The following AKAP7 variants were observed in gnomAD, a reference collection of about 807,000 sequenced individuals.
AKAP7 encodes A kinase (PRKA) anchor protein 7.
Under a neutral mutation model 39.5 loss-of-function variants are expected in AKAP7, and 39 were observed. That is an observed-to-expected ratio of 0.99 (90% CI 0.76 to 1.29). The LOEUF is 1.29. Ranked by LOEUF, AKAP7 falls within the 50% of genes most tolerant of loss-of-function variation. The probability of loss-of-function intolerance (pLI) is 0.00; values close to 1 mark genes in which losing one functional copy is unlikely to be tolerated. For synonymous variants in AKAP7, 140 were observed against 139.1 expected, an observed-to-expected ratio of 1.01 and a Z score of -0.05; for missense variants, 414 against 407.7, an observed-to-expected ratio of 1.02 and a Z score of -0.13.
upstream of AKAP7, among the ~76,000 whole-genome samples, chr6:131,130,908 C>T (rs1800312418): frequency 1.3e-5 from 2 of 151,796 alleles, no homozygotes; most frequent in East Asian, 1.9e-4. Context: ...GTTATACTTG[C>T]AGTTGGCTTT....
At chr6:131,177,511 T>C (rs1333255969) in intron 5 of AKAP7, among the ~76,000 whole-genome samples, 2 of 152,158 alleles carry the variant, frequency 1.3e-5, no homozygotes, top group Non-Finnish European at 2.9e-5. Context: ...AGTGAGAACA[T>C]ACTCCTGATG....
chr6:131,240,488 A>G (rs1036495864), intron 7 of AKAP7, among the ~76,000 whole-genome samples: 1 of 152,188 alleles, frequency 6.6e-6, no homozygotes, highest in African/African-American at 2.4e-5. Context: ...TTGTTTGGCT[A>G]TGCCCTGCCC....
At chr6:131,271,525 G>T (rs1445764601) in intron 7 of AKAP7, among the ~76,000 whole-genome samples, 2 of 151,896 alleles carry the variant, frequency 1.3e-5, no homozygotes, top group African/African-American at 4.8e-5. Flanking sequence ...AACTGTTTTG[G>T]CTTTTCAAGT....
intron 7 of AKAP7, among the ~76,000 whole-genome samples, chr6:131,269,023 A>G (rs923956469): frequency 1.3e-5 from 2 of 152,206 alleles, no homozygotes; most frequent in Non-Finnish European, 2.9e-5. Flanking sequence ...ACTTCTGTTG[A>G]CACTCCTGTG....
intron 5 of AKAP7, among the ~76,000 whole-genome samples, chr6:131,181,778 A>G (rs914736336): frequency 6.6e-6 from 1 of 152,084 alleles, no homozygotes; most frequent in Non-Finnish European, 1.5e-5. Context: ...CTGCCATCCC[A>G]TGGAAACTTT....
In AKAP7 at chr6:131,203,037, G is replaced by A. The variant is rs79714678; in HGVS notation, c.702+3464G>A. Reference sequence around the variant, plus strand: ...TGATGTTCAGTAAATGCCATATATGGTTCTGATACAGATGATCTGCAGAGG... The same window carrying A: ...TGATGTTCAGTAAATGCCATATATGATTCTGATACAGATGATCTGCAGAGG... On this transcript the variant is annotated intron_variant, in intron 6 of 7. Coordinates refer to ENST00000431975, the MANE Select transcript of AKAP7 (RefSeq NM_016377.4). Among the ~76,000 whole-genome samples the A allele has an allele frequency of 6.6e-4, 100 of 152,136 alleles. 1 individual carries two copies. The highest frequency in any genetic ancestry group is 2.4e-3 in the African/African-American group (100 of 41,520).
chr6:131,272,928 A>G (rs1344855888), intron 7 of AKAP7, among the ~76,000 whole-genome samples: 1 of 152,180 alleles, frequency 6.6e-6, no homozygotes, highest in Non-Finnish European at 1.5e-5. Flanking sequence ...GCTCTTGAGA[A>G]TGGTCTTGAA....
chr6:131,238,667 T>G (rs1811284927), intron 7 of AKAP7, among the ~76,000 whole-genome samples: 1 of 152,222 alleles, frequency 6.6e-6, no homozygotes, highest in East Asian at 1.9e-4. Flanking sequence ...GTCATGACCT[T>G]CTTTGTCTCT....
intron 6 of AKAP7, among the ~76,000 whole-genome samples, chr6:131,207,461 A>G (rs996483314): frequency 1.4e-5 from 2 of 141,678 alleles, no homozygotes; most frequent in Non-Finnish European, 3.0e-5. Context: ...CTGGGACTAC[A>G]GGTGTGCACA....
At chr6:131,152,110 C>T (rs551404846) in intron 2 of AKAP7, among the ~76,000 whole-genome samples, 2 of 152,178 alleles carry the variant, frequency 1.3e-5, no homozygotes, top group Admixed American at 6.5e-5. Context: ...TTCATTACTA[C>T]ACATTAAAAT....
chr6:131,151,949 T>A (rs1801955271), intron 2 of AKAP7, among the ~76,000 whole-genome samples: 1 of 152,210 alleles, frequency 6.6e-6, no homozygotes, highest in African/African-American at 2.4e-5. Context: ...ATGACTTAAT[T>A]TTTCTCATCA....
intron 7 of AKAP7, among the ~76,000 whole-genome samples, chr6:131,233,669 G>A (rs918329540): frequency 2.0e-5 from 3 of 152,026 alleles, no homozygotes; most frequent in Non-Finnish European, 2.9e-5. Context: ...ACTATTCTAG[G>A]CATTAGGAAA....
chr6:131,250,324 A>G, intron 7 of AKAP7: 4 of 1,310,398 alleles, frequency 3.1e-6, no homozygotes, highest in Non-Finnish European at 3.9e-6. Context: ...CCTTCACTGA[A>G]TGCCAGTCCC....
chr6:131,269,189 A>G (rs1394294549), intron 7 of AKAP7, among the ~76,000 whole-genome samples: 4 of 151,950 alleles, frequency 2.6e-5, no homozygotes, highest in Non-Finnish European at 1.5e-5. Context: ...CAGCCTCCCT[A>G]GTAGCTGGGA....
At chr6:131,227,563 C>G (rs752014426) in intron 7 of AKAP7, among the ~76,000 whole-genome samples, 40 of 152,058 alleles carry the variant, frequency 2.6e-4, no homozygotes, top group Non-Finnish European at 5.1e-4. Context: ...AAGATAAGAC[C>G]GTTAATTAAT....
chr6:131,132,174 G>C (rs1233291370), upstream of AKAP7, among the ~76,000 whole-genome samples: 1 of 151,982 alleles, frequency 6.6e-6, no homozygotes, highest in Admixed American at 6.6e-5. Flanking sequence ...TTAGCCGGGC[G>C]TGGTGGCGGG....
chr6:131,160,561 G>A (rs1054648488), intron 3 of AKAP7, among the ~76,000 whole-genome samples: 3 of 152,160 alleles, frequency 2.0e-5, no homozygotes, highest in Admixed American at 6.5e-5. Flanking sequence ...TTGAAAAAGT[G>A]TTGCCAGATG....
At chr6:131,179,938 G>T (rs540311152) in intron 5 of AKAP7, among the ~76,000 whole-genome samples, 1 of 152,218 alleles carries the variant, frequency 6.6e-6, no homozygotes, top group South Asian at 2.1e-4. Context: ...TTCATCAAAA[G>T]AATGAGAAAA....
At chr6:131,162,138 C>T (rs992725365) in intron 3 of AKAP7, among the ~76,000 whole-genome samples, 1 of 152,150 alleles carries the variant, frequency 6.6e-6, no homozygotes, top group Non-Finnish European at 1.5e-5. Context: ...GCTTCTTACC[C>T]CTTCCGGAGA....
Sources: allele counts gnomAD v4.1 joint callset (sites outside exome capture counted in the v4.1 genomes callset), GRCh38; gene constraint gnomAD v4.1.1; transcripts MANE v1.5; gene names NCBI Gene and HGNC (gene_info 2026-07-23, HGNC 2026-07-21).